Variants in PHLDB1 observed in about 807,000 individuals in gnomAD.
The protein encoded by PHLDB1 is pleckstrin homology like domain family B member 1.
In PHLDB1, 65 loss-of-function variants were observed where a neutral mutation model predicts 139.3. The ratio of observed to expected loss-of-function variants is 0.47; its 90% CI spans 0.38 to 0.57. The LOEUF (loss-of-function observed/expected upper bound fraction) is 0.57, where lower values mean the gene tolerates loss of function less well. Among genes scored for constraint, PHLDB1 ranks in the 20% least tolerant of loss-of-function variants. The pLI is 0.00. For missense variants in PHLDB1, 1,624 were observed against 1,839.7 expected (o/e 0.88, Z 2.14); for synonymous variants, 679 against 734.5 (o/e 0.92, Z 1.22).
upstream of PHLDB1, among the ~76,000 whole-genome samples, chr11:118,607,046 G>A (rs149232667): frequency 4.8e-3 from 724 of 152,136 alleles, 6 homozygotes; most frequent in African/African-American, 0.016. Context: ...GCTCTTCATG[G>A]TGGGGCTTGG....
intron 10 of PHLDB1, chr11:118,637,675 C>A (rs539316770): frequency 6.6e-6 from 1 of 152,130 alleles, no homozygotes; most frequent in Non-Finnish European, 1.5e-5. Flanking sequence ...TTGGACTGAC[C>A]CCAAATTTAG....
Position 118,643,868 on chromosome 11 carries a change from C to A in PHLDB1, c.2946C>A (p.Pro982=). The A allele has an allele frequency of 1.9e-6, 3 of 1,613,306 alleles. No homozygotes were observed. Among genetic ancestry groups the A allele is most frequent in the Non-Finnish European group, 2.5e-6 (3 of 1,179,556 alleles). The change falls in exon 14 of 23, where the codon CCC becomes CCA. Residue 982 remains proline (P), a synonymous_variant. Transcript: ENST00000600882. Reference sequence around the variant, plus strand: ...CCCGGACCCGCAGCGGCCCCCTCCCCTCCTCCTCTGGCTCTTCCTCCTCCT... The same window carrying A: ...CCCGGACCCGCAGCGGCCCCCTCCCATCCTCCTCTGGCTCTTCCTCCTCCT... ...PLPRTRSGPL[P]SSSGSSSSSS...
In PHLDB1 at chr11:118,632,056, G is replaced by A; in HGVS notation, c.2241+3G>A. On this transcript the variant is annotated splice_donor_region_variant and intron_variant, in intron 8 of 22. Transcript: ENST00000600882. This position sits in a 1 kb window ranked among gnomAD's most constrained non-coding sequence, Gnocchi z 5.9. Reference sequence around the variant, plus strand: ...AGCTGCAGGAGTCAGCCCGAGAGGTGAGCCGTGAAGTCCCTAGCTGGACTC... The same window carrying A: ...AGCTGCAGGAGTCAGCCCGAGAGGTAAGCCGTGAAGTCCCTAGCTGGACTC... 6.2e-7 allele frequency: 1 copy of A among 1,613,910 alleles called. No individual in the cohort carries two copies. Among genetic ancestry groups the A allele is most frequent in the Non-Finnish European group, 8.5e-7 (1 of 1,179,880 alleles).
At chr11:118,617,796 T>C (rs1029139998) in intron 4 of PHLDB1, among the ~76,000 whole-genome samples, 1 of 151,960 alleles carries the variant, frequency 6.6e-6, no homozygotes, top group Admixed American at 6.6e-5. Flanking sequence ...CCCCCAAAAA[T>C]TGGGGCTTGG....
At position 118,650,021 on chromosome 11, in the gene PHLDB1, C is replaced by T. The variant is rs1948125505; in HGVS notation, c.3655-56C>T. 7.0e-6 allele frequency: 9 copies of T among 1,290,344 alleles called. No individual in the cohort carries two copies. Among genetic ancestry groups the T allele is most frequent in the Non-Finnish European group, 1.0e-5 (9 of 885,006 alleles). The allele number at this position is 1,290,344 out of a possible 1,614,324, so 79.9% of individuals were successfully genotyped here. A position where few individuals can be genotyped will look rare whatever the true frequency, so the allele number is the denominator to read the frequency against. On this transcript the variant is annotated intron_variant, in intron 18 of 22. Transcript: ENST00000600882. This position sits in a 1 kb window ranked among gnomAD's most constrained non-coding sequence, Gnocchi z 4.7. ...TAGAAGTGAAGCCAAGGGGCCTGGA[C>T]AGGGGAATAATGAGGGAAGAGAGGA...
Position 118,650,037 on chromosome 11 carries a change from G to C in PHLDB1, c.3655-40G>C. On this transcript the variant is annotated intron_variant, in intron 18 of 22. Coordinates refer to ENST00000600882, the MANE Select transcript of PHLDB1 (RefSeq NM_001144758.3). The surrounding 1 kb of genome is among the most constrained non-coding windows in gnomAD (Gnocchi z 4.7). ...GGGCCTGGACAGGGGAATAATGAGG[G>C]AAGAGAGGAGACTCTCCTGACCCTC... The C allele has an allele frequency of 7.0e-7, 1 of 1,429,162 alleles. No homozygotes were observed. Among genetic ancestry groups the C allele is most frequent in the Non-Finnish European group, 9.9e-7 (1 of 1,011,424 alleles). The allele number at this position is 1,429,162 out of a possible 1,614,324, so 88.5% of individuals were successfully genotyped here.
intron 4 of PHLDB1, 66 bp from the exon 5 acceptor site, chr11:118,624,868 C>CA (rs1943579888): frequency 1.3e-6 from 2 of 1,572,298 alleles, no homozygotes; most frequent in Non-Finnish European, 1.7e-6. Flanking sequence ...CCTCCGCCTC[C>CA]AAAAGTGTTG....
intron 3 of PHLDB1, 123 bp from the exon 4 acceptor site, chr11:118,615,918 G>T: frequency 1.3e-6 from 1 of 782,940 alleles, no homozygotes; most frequent in Non-Finnish European, 2.1e-6. Context: ...GGTGGCCAGT[G>T]GTGGGCAGAG....
intron 4 of PHLDB1, among the ~76,000 whole-genome samples, chr11:118,621,981 T>C (rs1555095457): frequency 6.6e-6 from 1 of 152,174 alleles, no homozygotes; most frequent in Non-Finnish European, 1.5e-5. Context: ...TCTGAGAGTG[T>C]GTGAGCATGT....
At chr11:118,653,597 T>C (rs964408679) in intron 20 of PHLDB1, 1 of 152,248 alleles carries the variant, frequency 6.6e-6, no homozygotes, top group African/African-American at 2.4e-5. Flanking sequence ...ATGCCTTTAG[T>C]AGCTATTTAC....
At chr11:118,641,944 A>G (rs535884080) in intron 12 of PHLDB1, 6 of 532,664 alleles carry the variant, frequency 1.1e-5, no homozygotes, top group African/African-American at 9.6e-5. Flanking sequence ...CTGGTGTAGC[A>G]CATGTCTGTG....
rs1555126822 is a variant in PHLDB1, at chr11:118,645,564, T to C, written c.3330T>C (p.Asp1110=). The change falls in exon 16 of 23, where the codon GAT becomes GAC. Residue 1110 remains aspartate (D), a synonymous_variant. Coordinates refer to ENST00000600882, the MANE Select transcript of PHLDB1 (RefSeq NM_001144758.3). The surrounding 1 kb of genome is among the most constrained non-coding windows in gnomAD (Gnocchi z 5.1). ...ERGEEGEHAY[D]TLSLESSDSM... is the part of the protein sequence containing the mutation. Reference sequence around the variant, plus strand: ...GGGAGGAGGGTGAGCACGCCTATGATACGCTGAGTCTGGAGAGCTCTGACA... The same window carrying C: ...GGGAGGAGGGTGAGCACGCCTATGACACGCTGAGTCTGGAGAGCTCTGACA... The C allele has an allele frequency of 6.2e-7, 1 of 1,613,766 alleles. No individual in the cohort carries two copies. Among genetic ancestry groups the C allele is most frequent in the African/African-American group, 1.3e-5 (1 of 75,024 alleles).
intron 10 of PHLDB1, chr11:118,638,145 A>G (rs1555116953): frequency 6.6e-6 from 1 of 152,250 alleles, no homozygotes; most frequent in African/African-American, 2.4e-5. Flanking sequence ...AGGAAGCGAC[A>G]TAAGAAAGGC....
intron 12 of PHLDB1, chr11:118,641,550 C>T: frequency 1.0e-6 from 1 of 1,004,688 alleles, no homozygotes; most frequent in Non-Finnish European, 1.3e-6. Flanking sequence ...TGGGTAGGGC[C>T]ATCTCATGTG....
At chr11:118,619,426 C>T (rs781915163) in intron 4 of PHLDB1, among the ~76,000 whole-genome samples, 4 of 152,124 alleles carry the variant, frequency 2.6e-5, no homozygotes, top group Non-Finnish European at 5.9e-5. Flanking sequence ...TTTTTTCCCA[C>T]CCAGTTATTC....
In PHLDB1 at chr11:118,641,849, C is replaced by G; in HGVS notation, c.2737-405C>G. The G allele has an allele frequency of 4.2e-6, 5 of 1,199,560 alleles. No homozygotes were observed. The South Asian group carries it at 7.1e-5, about 17-fold the overall frequency. The allele number at this position is 1,199,560 out of a possible 1,614,324, so 74.3% of individuals were successfully genotyped here. On this transcript the variant is annotated intron_variant, in intron 12 of 22. Coordinates refer to ENST00000600882, the MANE Select transcript of PHLDB1 (RefSeq NM_001144758.3). The stretch of plus-strand genomic sequence containing the variant: ...TGGTGTGCTCTGTGTGTGTTTTGCT[C>G]CTGCTCACCTGGCCTCTTGGCTCTG...
Position 118,628,079 on chromosome 11 carries a change from G to A in PHLDB1, c.1256G>A (p.Ser419Asn), listed in dbSNP as rs1189262964. The stretch of plus-strand genomic sequence containing the variant: ...GGCAGTGAGCGGGTGCTAACAACCA[G>A]CCCCTCACGCCAACTGGTGGGCCGA... Reference protein sequence around the residue: ...PPGSERVLTTSPSRQLVGRTF... With the variant: ...PPGSERVLTTNPSRQLVGRTF... The change falls in exon 6 of 23, where the codon AGC (serine) becomes AAC (asparagine). Residue 419 changes from serine to asparagine, a missense_variant. Transcript: ENST00000600882. 4 of 1,613,784 alleles carry A rather than the reference G, an allele frequency of 2.5e-6. No individual in the cohort carries two copies. Among genetic ancestry groups the A allele is most frequent in the African/African-American group, 1.3e-5 (1 of 74,886 alleles).
At chr11:118,617,732 G>A (rs566847511) in intron 4 of PHLDB1, among the ~76,000 whole-genome samples, 1 of 152,122 alleles carries the variant, frequency 6.6e-6, no homozygotes, top group Non-Finnish European at 1.5e-5. Flanking sequence ...GCAGTACGTA[G>A]GCCCTTGCCT....
chr11:118,613,245 T>A, intron 1 of PHLDB1: 3 of 961,270 alleles, frequency 3.1e-6, no homozygotes, highest in Non-Finnish European at 3.7e-6. Flanking sequence ...AGTTGAGACA[T>A]CTGGAGATAG....
Sources: gnomAD v4.1 joint callset for allele counts (sites outside exome capture counted in the v4.1 genomes callset) on GRCh38, gnomAD v4.1.1 for gene constraint, Gnocchi (gnomAD v3.1) non-coding constraint, MANE v1.5 for transcripts, NCBI Gene and HGNC (gene_info 2026-07-23, HGNC 2026-07-21) for gene names.